The following CFI variants were observed in gnomAD, a reference collection of about 807,000 sequenced individuals.
CFI encodes the protein C3B/C4B inactivator.
A neutral mutation model predicts 78.8 loss-of-function variants in CFI; 66 were observed. The ratio of observed to expected loss-of-function variants is 0.84; its 90% CI spans 0.69 to 1.03. The LOEUF is 1.03. Among genes scored for constraint, CFI ranks in the 50% least tolerant of loss-of-function variants. The pLI is 0.00. For missense variants in CFI, 706 were observed against 704.5 expected (o/e 1.00, Z -0.02); for synonymous variants, 250 against 232.6 (o/e 1.07, Z -0.68).
At position 109,764,637 on chromosome 4, in the gene CFI, C is replaced by A; in HGVS notation, c.382G>T (p.Glu128Ter). ...TTATCTTGGTCCACAAGTTTTACTT[C>A]AACTATTCCCTCTGAATCTGTATTT... ...HGNTDSEGIV[E>*]VKLVDQDKTM... The change falls in exon 3 of 13, where the codon GAA becomes TAA. Residue 128 changes from glutamate (E) to a stop codon, truncating the protein, a stop_gained. Coordinates refer to ENST00000394634, the MANE Select transcript of CFI (RefSeq NM_000204.5). LOFTEE classifies it high-confidence loss of function. 6.2e-7 allele frequency: 1 copy of A among 1,614,062 alleles called. No homozygotes were observed. The highest frequency in any genetic ancestry group is 8.5e-7 in the Non-Finnish European group (1 of 1,179,968).
Position 109,749,504 on chromosome 4 carries a change from G to A in CFI, c.1039C>T (p.Gln347Ter), listed in dbSNP as rs1460259489. The A allele has an allele frequency of 6.2e-7, 1 of 1,612,110 alleles. No individual in the cohort carries two copies. Among genetic ancestry groups the A allele is most frequent in the African/African-American group, 1.3e-5 (1 of 74,838 alleles). The part of the protein sequence containing the change: ...RKRIVGGKRA[Q>*]LGDLPWQVAI... ...GACTTTTCATGCGACTTTACCAGTT[G>A]TGCTCGCTTTCCTCCCACAATTCGT... The change falls in exon 9 of 13, where the codon CAA (glutamine) becomes TAA (stop). Residue 347 changes from glutamine (Q) to a stop codon, truncating the protein, a stop_gained. Coordinates refer to ENST00000394634, the MANE Select transcript of CFI (RefSeq NM_000204.5). LOFTEE classifies it high-confidence loss of function.
At chr4:109,781,329 T>C (rs920308442) in intron 1 of CFI, among the ~76,000 whole-genome samples, 11 of 152,102 alleles carry the variant, frequency 7.2e-5, no homozygotes, top group African/African-American at 2.4e-4. Context: ...AAACAGGAGA[T>C]ACTACAACTG....
rs1561292228 is a variant in CFI, at chr4:109,753,025, T to C, written c.905-522A>G. On this transcript the variant is annotated intron_variant, in intron 7 of 12. Coordinates refer to ENST00000394634, the MANE Select transcript of CFI (RefSeq NM_000204.5). The stretch of plus-strand genomic sequence containing the variant: ...ATTTATTATATATTTATTATATAAA[T>C]AAATATTTATAATATATATTTATTA... Among the ~76,000 whole-genome samples, 132 of 100,058 alleles carry C rather than the reference T, an allele frequency of 1.3e-3. 1 individual carries two copies. Among genetic ancestry groups the C allele is most frequent in the African/African-American group, 3.7e-3 (92 of 24,970 alleles). The allele number at this position is 100,058 out of a possible 152,430, so 65.6% of individuals were successfully genotyped here. A position where few individuals can be genotyped will look rare whatever the true frequency, so the allele number is the denominator to read the frequency against.
Position 109,764,685 on chromosome 4 carries a change from AC to A in CFI, c.333del (p.Lys111AsnfsTer6), listed in dbSNP as rs1240021659. 6.2e-7 allele frequency: 1 copy of A among 1,613,404 alleles called. No homozygotes were observed. Among genetic ancestry groups the A allele is most frequent in the Admixed American group, 1.7e-5 (1 of 59,990 alleles). ...LNNGTCTAEG[K>X]FSVSLKHGNT... The stretch of plus-strand genomic sequence containing the variant: ...TTTCCATGCTTCAAGGAAACACTAA[AC>A]TTTCCTAAAATAAAAAAACAAAATA... On this transcript the variant is annotated frameshift_variant, in exon 3 of 13. Coordinates refer to ENST00000394634, the MANE Select transcript of CFI (RefSeq NM_000204.5). LOFTEE classifies it high-confidence loss of function.
chr4:109,760,197 C>G, intron 6 of CFI, 73 bp downstream of exon 6: 2 of 1,028,812 alleles, frequency 1.9e-6, no homozygotes, highest in Non-Finnish European at 3.1e-6. Flanking sequence ...TAAGATTATA[C>G]TTTACCTAAA....
chr4:109,775,981 T>C (rs1349386983), intron 1 of CFI, among the ~76,000 whole-genome samples: 1 of 152,142 alleles, frequency 6.6e-6, no homozygotes, highest in Non-Finnish European at 1.5e-5. Flanking sequence ...ACCCCATCTG[T>C]ACGTCACCAT....
chr4:109,772,037 A>G (rs540340751), intron 1 of CFI, among the ~76,000 whole-genome samples: 1 of 152,236 alleles, frequency 6.6e-6, no homozygotes, highest in Non-Finnish European at 1.5e-5. Flanking sequence ...TTCCTATTGT[A>G]AATTGGAAGC....
At chr4:109,788,740 GA>G (rs1419350789) in intron 1 of CFI, among the ~76,000 whole-genome samples, 2 of 151,852 alleles carry the variant, frequency 1.3e-5, no homozygotes, top group African/African-American at 4.8e-5. Flanking sequence ...TTTTTAAATG[GA>G]AATTCAGATA....
chr4:109,748,530 T>C (rs952957375), intron 10 of CFI, among the ~76,000 whole-genome samples: 3 of 152,110 alleles, frequency 2.0e-5, no homozygotes, highest in Admixed American at 6.6e-5. Context: ...CCTAAGGAAG[T>C]GAAGATTGAG....
chr4:109,749,265 T>C lies in CFI; in HGVS notation c.1101A>G (p.Gly367=), dbSNP rs1579174103. ...IKDASGITCG[G]IYIGGCWILT... ...GAATCCAACAGCCACCAATATAAAT[T>C]CCCCCACAGGTGATTCCACTGGCAT... The change falls in exon 10 of 13, where the codon GGA becomes GGG. Residue 367 remains glycine (G), a synonymous_variant. Coordinates refer to ENST00000394634, the MANE Select transcript of CFI (RefSeq NM_000204.5). 1 of 1,613,960 alleles carries C rather than the reference T, an allele frequency of 6.2e-7. No homozygotes were observed. The highest frequency in any genetic ancestry group is 2.2e-5 in the East Asian group (1 of 44,874).
At chr4:109,735,719 C>T (rs1002329444), downstream of CFI, among the ~76,000 whole-genome samples, 134 of 152,172 alleles carry the variant, frequency 8.8e-4, 1 homozygote, top group Non-Finnish European at 2.1e-4. Flanking sequence ...GGGAATCAGG[C>T]GGATGAGAGA....
intron 1 of CFI, among the ~76,000 whole-genome samples, chr4:109,781,308 G>A (rs748121032): frequency 2.0e-5 from 3 of 151,870 alleles, no homozygotes; most frequent in Non-Finnish European, 4.4e-5. Context: ...AAATAAGCTC[G>A]ATAAGAAAGG....
At chr4:109,768,334 T>TAAAAAAAAAAAAAAAAA (rs756365540) in intron 1 of CFI, among the ~76,000 whole-genome samples, 14 of 63,178 alleles carry the variant, frequency 2.2e-4, no homozygotes, top group Non-Finnish European at 3.2e-4. Context: ...GAAGAAATCC[T>TAAAAAAAAAAAAAAAAA]AAAAAAAAAA....
chr4:109,739,126 G>A (rs76748074), downstream of CFI, among the ~76,000 whole-genome samples: 1,037 of 152,088 alleles, frequency 6.8e-3, 11 homozygotes, highest in African/African-American at 0.024. Flanking sequence ...AAGAAAATCT[G>A]GGCAGTAACT....
At chr4:109,786,952 T>A (rs1730823315) in intron 1 of CFI, among the ~76,000 whole-genome samples, 1 of 152,108 alleles carries the variant, frequency 6.6e-6, no homozygotes, top group Non-Finnish European at 1.5e-5. Context: ...CTTTGAAAGA[T>A]GCTTGGAAAG....
chr4:109,773,587 A>G (rs1728855082), intron 1 of CFI, among the ~76,000 whole-genome samples: 1 of 152,198 alleles, frequency 6.6e-6, no homozygotes. Context: ...GGTGCACAAC[A>G]TAGCCTATAT....
Position 109,741,234 on chromosome 4 carries a change from C to G in CFI, c.1535-124G>C, listed in dbSNP as rs376032799. 64 of 1,543,494 alleles carry G rather than the reference C, an allele frequency of 4.1e-5. No homozygotes were observed. In the East Asian group the frequency reaches 4.8e-4, roughly 12 times the overall value. On this transcript the variant is annotated intron_variant, in intron 12 of 12. Coordinates refer to ENST00000394634, the MANE Select transcript of CFI (RefSeq NM_000204.5). ...AGTTTCCTGACAGCAATAGCATGGG[C>G]TCTCCTTAGAGTCCCTGGCTGGGCT... is the stretch of plus-strand genomic sequence containing the variant.
intron 2 of CFI, among the ~76,000 whole-genome samples, chr4:109,765,302 C>G (rs1267891524): frequency 2.0e-5 from 3 of 152,108 alleles, no homozygotes; most frequent in East Asian, 1.9e-4. Context: ...TGTCATGGTG[C>G]CTTTAAAAAG....
chr4:109,790,286 T>C (rs1209033883), intron 1 of CFI, among the ~76,000 whole-genome samples: 1 of 152,096 alleles, frequency 6.6e-6, no homozygotes, highest in Admixed American at 6.6e-5. Flanking sequence ...TCTATTGTCT[T>C]ACTATATATT....
Sources: gnomAD v4.1 joint callset for allele counts (sites outside exome capture counted in the v4.1 genomes callset) on GRCh38, gnomAD v4.1.1 for gene constraint, MANE v1.5 for transcripts, NCBI Gene and HGNC (gene_info 2026-07-23, HGNC 2026-07-21) for gene names.